The following AGAP1 variants were observed in gnomAD, a reference collection of about 807,000 sequenced individuals.
AGAP1 encodes ArfGAP with GTPase domain, ankyrin repeat and PH domain 1.
In AGAP1, 29 loss-of-function variants were observed where a neutral mutation model predicts 105.3. The observed-to-expected ratio is 0.28, with a 90% CI of 0.21 to 0.38. The LOEUF (loss-of-function observed/expected upper bound fraction) is 0.38. Among genes scored for constraint, AGAP1 ranks in the 10% least tolerant of loss-of-function variants. The pLI, the probability that AGAP1 is intolerant of heterozygous loss-of-function variation, is 1.00. For missense variants in AGAP1, 998 were observed against 1,165.1 expected, an observed-to-expected ratio of 0.86 and a Z score of 2.09; for synonymous variants, 509 against 485.9, an observed-to-expected ratio of 1.05 and a Z score of -0.63.
chr2:235,949,818 T>C (rs954303198), intron 12 of AGAP1, among the ~76,000 whole-genome samples: 13 of 152,144 alleles, frequency 8.5e-5, no homozygotes, highest in African/African-American at 3.1e-4. Flanking sequence ...TCGTCTCTGA[T>C]CACCACAGTA....
intron 1 of AGAP1, among the ~76,000 whole-genome samples, chr2:235,661,534 T>C (rs1013852589): frequency 1.6e-4 from 12 of 76,570 alleles, no homozygotes; most frequent in African/African-American, 4.1e-4. Context: ...GCTGTGGGGG[T>C]GGGGGGGCTG....
Position 235,739,118 on chromosome 2 carries a change from G to A in AGAP1, c.311-1845G>A, listed in dbSNP as rs1194836151. Among the ~76,000 whole-genome samples the A allele has an allele frequency of 6.6e-6, 1 of 152,088 alleles. No individual in the cohort carries two copies. The highest frequency in any genetic ancestry group is 1.5e-5 in the Non-Finnish European group (1 of 68,030). ...GCTTTGTGTCAACTTATTACTCCTC[G>A]CCTGCTAGGACATCATCCCCTTTGC... is the stretch of plus-strand genomic sequence containing the variant. On this transcript the variant is annotated intron_variant, in intron 3 of 17. Coordinates refer to ENST00000304032, the MANE Select transcript of AGAP1 (RefSeq NM_001037131.3). The surrounding 1 kb of genome is among the most constrained non-coding windows in gnomAD (Gnocchi z 5.3).
At chr2:235,786,466 T>C (rs984340598) in intron 6 of AGAP1, among the ~76,000 whole-genome samples, 1 of 152,234 alleles carries the variant, frequency 6.6e-6, no homozygotes, top group Admixed American at 6.5e-5. Flanking sequence ...ATCTAAGCTA[T>C]GTTAGCTGCT....
At chr2:235,538,368 G>A (rs1943309065) in intron 1 of AGAP1, among the ~76,000 whole-genome samples, 1 of 151,604 alleles carries the variant, frequency 6.6e-6, no homozygotes, top group Non-Finnish European at 1.5e-5. Flanking sequence ...ATTCTACTCA[G>A]ACTGTCGGAG....
Position 236,090,871 on chromosome 2 carries a change from CT to C in AGAP1, c.2115-29320del, listed in dbSNP as rs1002466896. Among the ~76,000 whole-genome samples the C allele has an allele frequency of 2.7e-4, 41 of 152,322 alleles. No homozygotes were observed. The highest frequency in any genetic ancestry group is 9.6e-4 in the African/African-American group (40 of 41,572). On this transcript the variant is annotated intron_variant, in intron 16 of 17. Coordinates refer to ENST00000304032, the MANE Select transcript of AGAP1 (RefSeq NM_001037131.3). This position sits in a 1 kb window ranked among gnomAD's most constrained non-coding sequence, Gnocchi z 4.3. ...TCTCATGCCTCAGCCTCCTGAGTAG[CT>C]GGGATTACAGGCATGCGCCACCATA...
rs1263626096 is a variant in AGAP1 at position 235,701,914 on chromosome 2, C to T, written c.164-7265C>T. Among the ~76,000 whole-genome samples the T allele has an allele frequency of 5.3e-5, 8 of 152,046 alleles. No individual in the cohort carries two copies. Among genetic ancestry groups the T allele is most frequent in the Non-Finnish European group, 7.4e-5 (5 of 68,026 alleles). The stretch of plus-strand genomic sequence containing the variant: ...TTTTGTTTTATATTTGGGGGCTTTA[C>T]GGCTGCTTTAAACTAAAAATAAATG... On this transcript the variant is annotated intron_variant, in intron 1 of 17. Coordinates refer to ENST00000304032, the MANE Select transcript of AGAP1 (RefSeq NM_001037131.3). This position sits in a 1 kb window ranked among gnomAD's most constrained non-coding sequence, Gnocchi z 4.1.
In AGAP1 at chr2:235,934,079, C is replaced by G. The variant is rs2052864691; in HGVS notation, c.1483+3156C>G. ...AACTCAGGTGGCCCGATTCAGCTCT[C>G]CATCACTGCATGTCAAGGTGTGCCT... On this transcript the variant is annotated intron_variant, in intron 12 of 17. Coordinates refer to ENST00000304032, the MANE Select transcript of AGAP1 (RefSeq NM_001037131.3). This position sits in a 1 kb window ranked among gnomAD's most constrained non-coding sequence, Gnocchi z 4.9. Among the ~76,000 whole-genome samples the G allele has an allele frequency of 6.6e-6, 1 of 152,202 alleles. No homozygotes were observed. The highest frequency in any genetic ancestry group is 1.5e-5 in the Non-Finnish European group (1 of 68,048).
rs546651446 is a variant in AGAP1 at position 235,557,034 on chromosome 2, C to T, written c.163+62185C>T. ...GAGGTTGGGGGGCGGATCCCGAAGG[C>T]AGACTTGGCCTTCCCAGCTGGCGCG... On this transcript the variant is annotated intron_variant, in intron 1 of 17. Transcript: ENST00000304032. The surrounding 1 kb of genome is among the most constrained non-coding windows in gnomAD (Gnocchi z 4.7). Among the ~76,000 whole-genome samples, 1 of 152,312 alleles carries T rather than the reference C, an allele frequency of 6.6e-6. No homozygotes were observed. Among genetic ancestry groups the T allele is most frequent in the Admixed American group, 6.5e-5 (1 of 15,308 alleles).
chr2:236,034,503 G>A (rs1217042520), intron 13 of AGAP1, among the ~76,000 whole-genome samples: 1 of 152,030 alleles, frequency 6.6e-6, no homozygotes, highest in East Asian at 1.9e-4. Flanking sequence ...CCAGTAGATT[G>A]GGATAAAATT....
intron 9 of AGAP1, among the ~76,000 whole-genome samples, chr2:235,818,896 G>C (rs985776443): frequency 7.9e-5 from 12 of 152,036 alleles, no homozygotes; most frequent in African/African-American, 2.7e-4. Context: ...TTCTGTGCAA[G>C]ATCAAGCATC....
rs2057397434 is a variant in AGAP1 at position 236,036,812 on chromosome 2, G to A, written c.1800+97G>A. 10 of 1,518,828 alleles carry A rather than the reference G, an allele frequency of 6.6e-6. No homozygotes were observed. Among genetic ancestry groups the A allele is most frequent in the Non-Finnish European group, 7.9e-6 (9 of 1,133,990 alleles). 94.1% of individuals were successfully genotyped at this position (1,518,828 alleles called of 1,614,324 possible). A position where few individuals can be genotyped will look rare whatever the true frequency, so the allele number is the denominator to read the frequency against. On this transcript the variant is annotated intron_variant, in intron 14 of 17. Coordinates refer to ENST00000304032, the MANE Select transcript of AGAP1 (RefSeq NM_001037131.3). This position sits in a 1 kb window ranked among gnomAD's most constrained non-coding sequence, Gnocchi z 5.7. ...AGGGAGGAGAAAATAGAGGACCAGT[G>A]TGAATGACAGGACCTAGCTATTCTT...
intron 1 of AGAP1, among the ~76,000 whole-genome samples, chr2:235,675,523 A>G (rs1559336151): frequency 6.6e-6 from 1 of 152,218 alleles, no homozygotes; most frequent in Non-Finnish European, 1.5e-5. Context: ...AGTGTTTCTC[A>G]TTTGAAACAT....
rs993323561 is a variant in AGAP1, at chr2:235,700,779, G to A, written c.164-8400G>A. Reference sequence around the variant, plus strand: ...TGTGCCACTGCACTCCAGGCTGGGCGACAAAGCGAGAATCTGTCTCTGTCT... The same window carrying A: ...TGTGCCACTGCACTCCAGGCTGGGCAACAAAGCGAGAATCTGTCTCTGTCT... On this transcript the variant is annotated intron_variant, in intron 1 of 17. Coordinates refer to ENST00000304032, the MANE Select transcript of AGAP1 (RefSeq NM_001037131.3). The surrounding 1 kb of genome is among the most constrained non-coding windows in gnomAD (Gnocchi z 6.1). Among the ~76,000 whole-genome samples, 3 of 151,388 alleles carry A rather than the reference G, an allele frequency of 2.0e-5. No homozygotes were observed. The highest frequency in any genetic ancestry group is 4.4e-5 in the Non-Finnish European group (3 of 67,894).
intron 16 of AGAP1, among the ~76,000 whole-genome samples, chr2:236,081,199 C>T (rs962660597): frequency 2.0e-5 from 3 of 152,060 alleles, no homozygotes; most frequent in East Asian, 1.9e-4. Flanking sequence ...AAAACCACAT[C>T]GAATCGGGAA....
intron 3 of AGAP1, among the ~76,000 whole-genome samples, chr2:235,718,015 T>C (rs2149549479): frequency 6.6e-6 from 1 of 152,362 alleles, no homozygotes; most frequent in East Asian, 1.9e-4. Context: ...GTATGTAATG[T>C]TACTTAGTCA....
intron 13 of AGAP1, among the ~76,000 whole-genome samples, chr2:235,980,792 T>G (rs554602755): frequency 2.8e-4 from 42 of 152,342 alleles, no homozygotes; most frequent in African/African-American, 9.6e-4. Context: ...CCTGCTACCC[T>G]GTGCCCAAAA....
At chr2:235,562,469 G>A (rs1944188793) in intron 1 of AGAP1, among the ~76,000 whole-genome samples, 1 of 152,106 alleles carries the variant, frequency 6.6e-6, no homozygotes, top group Non-Finnish European at 1.5e-5. Flanking sequence ...TGAGCATGGT[G>A]TGTGAGACTG....
chr2:235,793,145 A>G lies in AGAP1; in HGVS notation c.674-4614A>G, dbSNP rs1957077229. Among the ~76,000 whole-genome samples the G allele has an allele frequency of 6.6e-6, 1 of 152,142 alleles. No homozygotes were observed. The highest frequency in any genetic ancestry group is 2.4e-5 in the African/African-American group (1 of 41,440). On this transcript the variant is annotated intron_variant, in intron 6 of 17. Coordinates refer to ENST00000304032, the MANE Select transcript of AGAP1 (RefSeq NM_001037131.3). The surrounding 1 kb of genome is among the most constrained non-coding windows in gnomAD (Gnocchi z 5.3). Reference sequence around the variant, plus strand: ...TCAGAGGTCCAGGAAGGTGCGACCTAGCCTCTGGACCACTCCCAGTGACCA... The same window carrying G: ...TCAGAGGTCCAGGAAGGTGCGACCTGGCCTCTGGACCACTCCCAGTGACCA...
intron 1 of AGAP1, among the ~76,000 whole-genome samples, chr2:235,598,553 G>C (rs1945620760): frequency 6.6e-6 from 1 of 152,170 alleles, no homozygotes; most frequent in African/African-American, 2.4e-5. Context: ...TGTGAAGTGA[G>C]GACTTACTGG....
Sources: gnomAD v4.1 joint callset for allele counts (sites outside exome capture counted in the v4.1 genomes callset) on GRCh38, gnomAD v4.1.1 for gene constraint, Gnocchi (gnomAD v3.1) non-coding constraint, MANE v1.5 for transcripts, NCBI Gene and HGNC (gene_info 2026-07-23, HGNC 2026-07-21) for gene names.